DPYD: variants seen among roughly 807,000 people sequenced by gnomAD.
DPYD encodes dihydropyrimidine dehydrogenase [NADP(+)].
In DPYD, 109 loss-of-function variants were observed where a neutral mutation model predicts 116.2. The ratio of observed to expected loss-of-function variants is 0.94; its 90% CI spans 0.80 to 1.10. DPYD has a LOEUF of 1.10. Among genes scored for constraint, DPYD ranks in the 50% least tolerant of loss-of-function variants. The pLI is 0.00. For synonymous variants in DPYD, 440 were observed against 432.0 expected (o/e 1.02, Z -0.23); for missense variants, 1,302 against 1,254.5 (o/e 1.04, Z -0.57).
At chr1:97,656,977 T>A (rs2100856860) in intron 8 of DPYD, among the ~76,000 whole-genome samples, 1 of 151,174 alleles carries the variant, frequency 6.6e-6, no homozygotes, top group Admixed American at 6.6e-5. Flanking sequence ...TTTTTTTTTT[T>A]TTTTTTTTTG....
chr1:97,643,688 G>A (rs1437716290), intron 8 of DPYD, among the ~76,000 whole-genome samples: 1 of 152,172 alleles, frequency 6.6e-6, no homozygotes, highest in Non-Finnish European at 1.5e-5. Context: ...CAACCCAAAT[G>A]GCCATCAATG....
intron 20 of DPYD, among the ~76,000 whole-genome samples, chr1:97,114,031 T>A (rs1651788616): frequency 6.6e-6 from 1 of 152,146 alleles, no homozygotes; most frequent in South Asian, 2.1e-4. Flanking sequence ...AGGGCGATGC[T>A]ACATGGAAAT....
At position 97,114,160 on chromosome 1, in the gene DPYD, T is replaced by C. The variant is rs558412288; in HGVS notation, c.2623-15528A>G. Among the ~76,000 whole-genome samples, 5 of 152,256 alleles carry C rather than the reference T, an allele frequency of 3.3e-5. No individual in the cohort carries two copies. In the East Asian group the frequency reaches 9.7e-4, roughly 29 times the overall value. On this transcript the variant is annotated intron_variant, in intron 20 of 22. Transcript: ENST00000370192. Reference sequence around the variant, plus strand: ...AAACCTTGTTCTACTTCCAGCATTATCCCAGAAAACGATGAGTGACTATCA... The same window carrying C: ...AAACCTTGTTCTACTTCCAGCATTACCCCAGAAAACGATGAGTGACTATCA...
At chr1:97,763,897 G>A (rs570761083) in intron 3 of DPYD, among the ~76,000 whole-genome samples, 3 of 152,150 alleles carry the variant, frequency 2.0e-5, no homozygotes, top group Non-Finnish European at 4.4e-5. Context: ...CATTTATTGT[G>A]TGTGAAAACA....
chr1:97,712,015 T>C (rs1223841498), intron 5 of DPYD, among the ~76,000 whole-genome samples: 7 of 152,040 alleles, frequency 4.6e-5, no homozygotes, highest in East Asian at 1.9e-4. Flanking sequence ...AGTAATTTGT[T>C]TTCCCTTTAT....
At chr1:97,632,441 A>C (rs985063033) in intron 8 of DPYD, among the ~76,000 whole-genome samples, 4 of 152,172 alleles carry the variant, frequency 2.6e-5, no homozygotes, top group Non-Finnish European at 5.9e-5. Flanking sequence ...ACATGTAGAG[A>C]TAATTAGTCA....
At chr1:97,517,916 T>C (rs1648349198) in intron 12 of DPYD, among the ~76,000 whole-genome samples, 1 of 152,142 alleles carries the variant, frequency 6.6e-6, no homozygotes, top group Non-Finnish European at 1.5e-5. Flanking sequence ...ATATCTATTT[T>C]TTTCAATCTT....
At chr1:97,089,024 C>A (rs933471258) in intron 21 of DPYD, among the ~76,000 whole-genome samples, 3 of 152,162 alleles carry the variant, frequency 2.0e-5, no homozygotes, top group African/African-American at 7.2e-5. Flanking sequence ...GAGTACTCTT[C>A]TCTTTCCTTT....
At chr1:97,735,677 GAC>G (rs1663892343) in intron 4 of DPYD, among the ~76,000 whole-genome samples, 1 of 144,312 alleles carries the variant, frequency 6.9e-6, no homozygotes, top group East Asian at 2.0e-4. Context: ...GACAGAGCAA[GAC>G]TCTGTCATAA....
intron 18 of DPYD, among the ~76,000 whole-genome samples, chr1:97,273,734 C>G (rs1664746856): frequency 3.3e-5 from 5 of 152,098 alleles, no homozygotes; most frequent in Admixed American, 6.6e-5. Flanking sequence ...TGTTCTCTTT[C>G]TTGCATGAGT....
chr1:97,181,782 CCTAT>C (rs1557918466), intron 20 of DPYD, among the ~76,000 whole-genome samples: 3 of 152,098 alleles, frequency 2.0e-5, no homozygotes, highest in South Asian at 2.1e-4. Context: ...TCCCAAATTG[CCTAT>C]CTATCTATGC....
chr1:97,666,999 C>T (rs554945695), intron 8 of DPYD, among the ~76,000 whole-genome samples: 1 of 152,242 alleles, frequency 6.6e-6, no homozygotes, highest in South Asian at 2.1e-4. Flanking sequence ...ATCCGCCCTG[C>T]TACTCATTTT....
At chr1:97,862,759 A>C (rs1671182259) in intron 2 of DPYD, among the ~76,000 whole-genome samples, 1 of 151,928 alleles carries the variant, frequency 6.6e-6, no homozygotes, top group Non-Finnish European at 1.5e-5. Flanking sequence ...TAAACATTAG[A>C]ACATTAAAAA....
intron 6 of DPYD, among the ~76,000 whole-genome samples, chr1:97,697,925 T>C (rs897305859): frequency 6.6e-6 from 1 of 152,014 alleles, no homozygotes; most frequent in Non-Finnish European, 1.5e-5. Context: ...AAGTTCATAT[T>C]TTAAAAATTG....
intron 8 of DPYD, among the ~76,000 whole-genome samples, chr1:97,631,020 G>T (rs760122889): frequency 1.1e-4 from 16 of 152,068 alleles, no homozygotes; most frequent in Non-Finnish European, 2.4e-4. Context: ...TTGAAGAAAT[G>T]GAGGTAGTTG....
chr1:97,192,965 C>G (rs1339975906), intron 20 of DPYD, 104 bp downstream of exon 20: 1 of 1,282,528 alleles, frequency 7.8e-7, no homozygotes, highest in Non-Finnish European at 1.1e-6. Context: ...ATCCAGGAGG[C>G]ACTGTGTTTC....
intron 8 of DPYD, among the ~76,000 whole-genome samples, chr1:97,616,832 A>C (rs17117003): frequency 0.032 from 4,821 of 152,310 alleles, 263 homozygotes; most frequent in African/African-American, 0.11. Flanking sequence ...CTATTGCATT[A>C]AAATTCCTAA....
intron 5 of DPYD, among the ~76,000 whole-genome samples, chr1:97,705,000 C>CT (rs1333746718): frequency 6.6e-6 from 1 of 152,014 alleles, no homozygotes; most frequent in Admixed American, 6.6e-5. Flanking sequence ...TGTTAAATCT[C>CT]TATCATTTAG....
intron 3 of DPYD, among the ~76,000 whole-genome samples, chr1:97,799,359 C>T (rs1214811544): frequency 6.6e-6 from 1 of 151,678 alleles, no homozygotes; most frequent in Non-Finnish European, 1.5e-5. Flanking sequence ...AAATGATGAC[C>T]CTGATTTGTA....
Sources: gnomAD v4.1 joint callset for allele counts (sites outside exome capture counted in the v4.1 genomes callset) on GRCh38, gnomAD v4.1.1 for gene constraint, MANE v1.5 for transcripts, NCBI Gene and HGNC (gene_info 2026-07-23, HGNC 2026-07-21) for gene names.